TAF1B: variants seen among roughly 807,000 people sequenced by gnomAD.
TAF1B encodes the protein TATA box-binding protein-associated factor RNA polymerase I subunit B.
Under a neutral mutation model 83.9 loss-of-function variants are expected in TAF1B, and 61 were observed. The ratio of observed to expected loss-of-function variants is 0.73; its 90% CI spans 0.59 to 0.90. The LOEUF is 0.90. Among genes scored for constraint, TAF1B ranks in the 40% least tolerant of loss-of-function variants. The probability of loss-of-function intolerance (pLI) is 0.00; values close to 1 mark genes in which losing one functional copy is unlikely to be tolerated. For missense variants in TAF1B, 625 were observed against 677.0 expected, an observed-to-expected ratio of 0.92 and a Z score of 0.85; for synonymous variants, 221 against 224.6, an observed-to-expected ratio of 0.98 and a Z score of 0.14.
intron 6 of TAF1B, 72 bp from the exon 7 acceptor site, chr2:9,875,793 A>G: frequency 6.8e-7 from 1 of 1,468,050 alleles, no homozygotes. Flanking sequence ...GCCTGTTTAG[A>G]TTTTTTGCTG....
intron 11 of TAF1B, among the ~76,000 whole-genome samples, chr2:9,912,266 T>C (rs1378443879): frequency 1.3e-5 from 2 of 152,150 alleles, no homozygotes; most frequent in African/African-American, 4.8e-5. Flanking sequence ...TTTTTTTTTT[T>C]TTCTTTTAAT....
chr2:9,845,186 A>T (rs1317808189), intron 1 of TAF1B, 34 bp from the exon 2 acceptor site: 1 of 1,558,428 alleles, frequency 6.4e-7, no homozygotes. Context: ...ATGTGGCTTG[A>T]TGGGAACACC....
Position 9,934,094 on chromosome 2 carries a change from A to T in TAF1B, c.*110A>T, listed in dbSNP as rs1666302942. On this transcript the variant is annotated 3_prime_UTR_variant, in exon 15 of 15. Transcript: ENST00000263663. ...GAAAATACTGCATATATATGTATAGACTCTGACACATATTTACATATATAT... is the reference window on the plus strand; with the variant it reads ...GAAAATACTGCATATATATGTATAGTCTCTGACACATATTTACATATATAT... The T allele has an allele frequency of 3.6e-6, 3 of 832,286 alleles. No individual in the cohort carries two copies. Among genetic ancestry groups the T allele is most frequent in the East Asian group, 5.4e-5 (2 of 37,130 alleles). 51.6% of individuals were successfully genotyped at this position (832,286 alleles called of 1,614,324 possible).
intron 5 of TAF1B, among the ~76,000 whole-genome samples, chr2:9,862,303 G>A (rs554835933): frequency 7.9e-5 from 12 of 152,320 alleles, no homozygotes; most frequent in African/African-American, 2.6e-4. Flanking sequence ...GGAATGCACA[G>A]TCCTCACTAG....
rs1358809324 is a variant in TAF1B, at chr2:9,904,886, A to T, written c.835A>T (p.Lys279Ter). ...ESWPDYEDIYKKTVEVGTFLD... is the reference protein window; with the variant it reads ...ESWPDYEDIY ...TTGGCCTGACTACGAGGACATCTAC[A>T]AAAAAACAGTAGAAGTTGGAACATT... The change falls in exon 9 of 15, where the codon AAA becomes TAA. Residue 279 changes from lysine to a stop codon, truncating the protein, a stop_gained. Coordinates refer to ENST00000263663, the MANE Select transcript of TAF1B (RefSeq NM_005680.3). LOFTEE classifies it high-confidence loss of function. The T allele has an allele frequency of 1.2e-6, 2 of 1,609,654 alleles. No individual in the cohort carries two copies. Among genetic ancestry groups the T allele is most frequent in the South Asian group, 2.2e-5 (2 of 90,942 alleles).
At position 9,845,235 on chromosome 2, in the gene TAF1B, C is replaced by T. The variant is rs750356942; in HGVS notation, c.34C>T (p.Arg12Cys). The change falls in exon 2 of 15, where the codon CGC (arginine) becomes TGC (cysteine). Residue 12 changes from arginine (R) to cysteine (C), a missense_variant. Arg to Cys is a radical substitution (Grantham distance 180). Coordinates refer to ENST00000263663, the MANE Select transcript of TAF1B (RefSeq NM_005680.3). ...TCTCCCATAGGAAGAGTTTAAAGAACGCTGTACTCAGTGTGCTGCTGTCTC... is the reference window on the plus strand; with the variant it reads ...TCTCCCATAGGAAGAGTTTAAAGAATGCTGTACTCAGTGTGCTGCTGTCTC... ...DLEEAEEFKE[R>C]CTQCAAVSWG... is the part of the protein sequence containing the mutation. 12 of 1,613,560 alleles carry T rather than the reference C, an allele frequency of 7.4e-6. No individual in the cohort carries two copies. Among genetic ancestry groups the T allele is most frequent in the South Asian group, 5.5e-5 (5 of 91,070 alleles).
At chr2:9,917,798 C>T (rs1665727796) in intron 12 of TAF1B, among the ~76,000 whole-genome samples, 1 of 152,152 alleles carries the variant, frequency 6.6e-6, no homozygotes, top group South Asian at 2.1e-4. Context: ...GCCGGCCGGG[C>T]GCGGTGGCTC....
At chr2:9,927,702 A>G (rs1666084469) in intron 14 of TAF1B, among the ~76,000 whole-genome samples, 1 of 151,998 alleles carries the variant, frequency 6.6e-6, no homozygotes, top group Non-Finnish European at 1.5e-5. Flanking sequence ...TCCTTTGCTC[A>G]CTTTTTGATG....
chr2:9,845,163 T>G, intron 1 of TAF1B, 57 bp from the exon 2 acceptor site: 2 of 1,305,552 alleles, frequency 1.5e-6, no homozygotes, highest in Middle Eastern at 1.8e-4. Context: ...AAGGTTTAGG[T>G]ACGATGTATT....
intron 5 of TAF1B, among the ~76,000 whole-genome samples, chr2:9,861,416 C>T (rs1572222616): frequency 6.6e-6 from 1 of 152,222 alleles, no homozygotes; most frequent in Non-Finnish European, 1.5e-5. Flanking sequence ...CCCGCCATTG[C>T]CGAGGCTTGA....
intron 12 of TAF1B, among the ~76,000 whole-genome samples, chr2:9,917,878 C>T (rs1467216312): frequency 6.6e-6 from 1 of 151,684 alleles, no homozygotes; most frequent in Admixed American, 6.6e-5. Flanking sequence ...TGAGACCATC[C>T]CGGCTAAAAC....
At chr2:9,864,587 T>C (rs911993810) in intron 5 of TAF1B, among the ~76,000 whole-genome samples, 3 of 152,200 alleles carry the variant, frequency 2.0e-5, no homozygotes, top group Non-Finnish European at 4.4e-5. Context: ...TAGCTCATTT[T>C]ATGAGGCCAG....
In TAF1B at chr2:9,913,156, C is replaced by T. The variant is rs1237848862; in HGVS notation, c.1181-3C>T. ...TAATAATCTTGGATTTTATTTCTTT[C>T]AGATAAGCCATGGTTTGATTTCAGA... On this transcript the variant is annotated splice_region_variant and splice_polypyrimidine_tract_variant and intron_variant, in intron 11 of 14. Coordinates refer to ENST00000263663, the MANE Select transcript of TAF1B (RefSeq NM_005680.3). 1 of 1,595,172 alleles carries T rather than the reference C, an allele frequency of 6.3e-7. No individual in the cohort carries two copies. The highest frequency in any genetic ancestry group is 2.2e-5 in the East Asian group (1 of 44,684).
At chr2:9,868,184 A>T in intron 5 of TAF1B, 92 bp from the exon 6 acceptor site, 207 of 1,286,020 alleles carry the variant, frequency 1.6e-4, no homozygotes, top group East Asian at 3.0e-4. Flanking sequence ...GGTTTCTTTT[A>T]GGGTGTTTGT....
intron 8 of TAF1B, 120 bp from the exon 9 acceptor site, chr2:9,904,732 TGCACAAC>T: frequency 1.1e-6 from 1 of 919,298 alleles, no homozygotes; most frequent in Admixed American, 2.8e-5. Flanking sequence ...TTCCTTTTTC[TGCACAAC>T]TTCACCAGCA....
intron 14 of TAF1B, among the ~76,000 whole-genome samples, chr2:9,922,402 C>T (rs1665903941): frequency 6.6e-6 from 1 of 152,132 alleles, no homozygotes; most frequent in Non-Finnish European, 1.5e-5. Flanking sequence ...CCAGACACTC[C>T]CCACATGGGC....
chr2:9,888,790 G>GGTTTTTTTTTTTTTT (rs753209727), intron 8 of TAF1B, among the ~76,000 whole-genome samples: 1 of 81,668 alleles, frequency 1.2e-5, no homozygotes. Context: ...CTTCTGCTTG[G>GGTTTTTTTTTTTTTT]TTTTTTTTTT....
intron 5 of TAF1B, among the ~76,000 whole-genome samples, chr2:9,856,449 C>T (rs566302220): frequency 6.6e-6 from 1 of 152,040 alleles, no homozygotes; most frequent in Admixed American, 6.5e-5. Flanking sequence ...AACTATGAAA[C>T]ATTATACTGT....
chr2:9,930,927 CTTCT>C (rs1427153024), intron 14 of TAF1B, among the ~76,000 whole-genome samples: 1 of 152,204 alleles, frequency 6.6e-6, no homozygotes, highest in East Asian at 1.9e-4. Context: ...ATGTAATGGC[CTTCT>C]TTATTTCTTT....
Sources: allele counts gnomAD v4.1 joint callset (sites outside exome capture counted in the v4.1 genomes callset), GRCh38; gene constraint gnomAD v4.1.1; transcripts MANE v1.5; gene names NCBI Gene and HGNC (gene_info 2026-07-23, HGNC 2026-07-21).